CSMD1: variants seen among roughly 807,000 people sequenced by gnomAD.
CSMD1 encodes the protein CUB and Sushi multiple domains 1, also known as CUB and sushi domain-containing protein 1.
In CSMD1, 213 loss-of-function variants were observed where a neutral mutation model predicts 417.5. That is an observed-to-expected ratio of 0.51 (90% CI 0.46 to 0.57). The LOEUF (loss-of-function observed/expected upper bound fraction) is 0.57. Among genes scored for constraint, CSMD1 ranks in the 20% least tolerant of loss-of-function variants. The pLI, the probability that CSMD1 is intolerant of heterozygous loss-of-function variation, is 0.00. For missense variants in CSMD1, 6,923 were observed against 4,529.7 expected (o/e 1.53, Z -15.17); for synonymous variants, 2,862 against 1,736.8 (o/e 1.65, Z -16.11).
At chr8:3,491,067 G>A (rs1818345346) in intron 11 of CSMD1, among the ~76,000 whole-genome samples, 1 of 152,084 alleles carries the variant, frequency 6.6e-6, no homozygotes, top group Admixed American at 6.5e-5. Flanking sequence ...TGAAGGTATA[G>A]CAAAAAAGTA....
At position 4,393,599 on chromosome 8, in the gene CSMD1, A is replaced by C. The variant is rs1166245865; in HGVS notation, c.415+26354T>G. On this transcript the variant is annotated intron_variant, in intron 3 of 69. Transcript: ENST00000635120. ...TTCTGACTCTCGTTTCCAATTAATG[A>C]GTTTGGTAAAGTGTCATTGATTAAA... 2.6e-5 allele frequency among the ~76,000 whole-genome samples: 4 copies of C among 152,258 alleles called. No individual in the cohort carries two copies. In the East Asian group the frequency reaches 7.7e-4, roughly 29 times the overall value.
intron 3 of CSMD1, among the ~76,000 whole-genome samples, chr8:4,383,622 AC>A: frequency 6.6e-6 from 1 of 152,296 alleles, no homozygotes; most frequent in East Asian, 1.9e-4. Flanking sequence ...TGCTGATTAA[AC>A]TGAGAATCAA....
chr8:4,201,183 T>C (rs1438168509), intron 3 of CSMD1, among the ~76,000 whole-genome samples: 1 of 152,176 alleles, frequency 6.6e-6, no homozygotes, highest in Non-Finnish European at 1.5e-5. Context: ...TACTGTTGTG[T>C]ATGCAGAGGA....
intron 5 of CSMD1, among the ~76,000 whole-genome samples, chr8:3,874,092 G>C (rs1432410256): frequency 2.6e-5 from 4 of 152,160 alleles, no homozygotes; most frequent in African/African-American, 9.7e-5. Context: ...GCTATCCTCA[G>C]GCTGGGTTCT....
chr8:3,083,448 A>AT (rs920320121), intron 49 of CSMD1, among the ~76,000 whole-genome samples: 7 of 149,310 alleles, frequency 4.7e-5, no homozygotes, highest in Non-Finnish European at 8.9e-5. Context: ...CGAATCTATA[A>AT]TTTTTTTTAA....
rs1432778245 is a variant in CSMD1, at chr8:4,994,515, GGA to G, written c.-101_-100del. 5 of 1,118,298 alleles carry G rather than the reference GGA, an allele frequency of 4.5e-6. No homozygotes were observed. The highest frequency in any genetic ancestry group is 1.3e-6 in the Non-Finnish European group (1 of 769,770). 69.3% of individuals were successfully genotyped at this position (1,118,298 alleles called of 1,614,324 possible). ...TAATCACCCGAGGGCAAGGCGAGCC[GGA>G]GAGAGAGCCCGGTCCCAAGACCCGC... On this transcript the variant is annotated 5_prime_UTR_variant, in exon 1 of 70. An upstream open reading frame in the 5' UTR loses its in-frame stop. Coordinates refer to ENST00000635120, the MANE Select transcript of CSMD1 (RefSeq NM_033225.6).
At position 3,971,000 on chromosome 8, in the gene CSMD1, C is replaced by A. The variant is rs375635019; in HGVS notation, c.818+26903G>T. Among the ~76,000 whole-genome samples the A allele has an allele frequency of 2.0e-5, 3 of 152,164 alleles. No homozygotes were observed. In the South Asian group the frequency reaches 6.2e-4, roughly 32 times the overall value. On this transcript the variant is annotated intron_variant, in intron 5 of 69. Transcript: ENST00000635120. ...TCCTGACCTCAGGTGATCCCCCCGC[C>A]TCAGACTCCCAAAGTACTGGGATTT...
chr8:4,969,073 G>C (rs147181798), intron 1 of CSMD1, among the ~76,000 whole-genome samples: 518 of 152,290 alleles, frequency 3.4e-3, no homozygotes, highest in Non-Finnish European at 5.4e-3. Context: ...TGTAGGTAAA[G>C]TGTTGACAGC....
At chr8:3,252,342 C>T (rs1800335084) in intron 26 of CSMD1, among the ~76,000 whole-genome samples, 1 of 152,144 alleles carries the variant, frequency 6.6e-6, no homozygotes. Context: ...GTCTTTGGTT[C>T]TGTTTATATG....
At chr8:4,449,340 A>T (rs1798994938) in intron 2 of CSMD1, among the ~76,000 whole-genome samples, 1 of 152,208 alleles carries the variant, frequency 6.6e-6, no homozygotes, top group African/African-American at 2.4e-5. Flanking sequence ...CATTGGTTTT[A>T]AGCCTCCCCC....
intron 17 of CSMD1, among the ~76,000 whole-genome samples, chr8:3,395,872 C>T (rs1037960622): frequency 6.6e-6 from 1 of 152,096 alleles, no homozygotes; most frequent in Non-Finnish European, 1.5e-5. Flanking sequence ...AAGACTTTTG[C>T]TCAGAAAGTA....
intron 3 of CSMD1, among the ~76,000 whole-genome samples, chr8:4,091,211 G>T (rs1009829785): frequency 1.3e-5 from 2 of 151,838 alleles, no homozygotes; most frequent in African/African-American, 4.8e-5. Flanking sequence ...GAACCACCAC[G>T]CCCTGCCAAA....
intron 3 of CSMD1, among the ~76,000 whole-genome samples, chr8:4,229,282 A>C (rs1444693107): frequency 1.3e-5 from 2 of 152,134 alleles, no homozygotes; most frequent in Non-Finnish European, 2.9e-5. Flanking sequence ...TCCCCACCTC[A>C]TTCTTCAGTG....
chr8:4,236,507 A>C (rs1278521676), intron 3 of CSMD1, among the ~76,000 whole-genome samples: 2 of 152,170 alleles, frequency 1.3e-5, no homozygotes, highest in African/African-American at 4.8e-5. Context: ...ATCTGAGATG[A>C]TTTGCTCAAA....
intron 3 of CSMD1, among the ~76,000 whole-genome samples, chr8:4,071,987 C>G (rs968093390): frequency 2.0e-5 from 3 of 152,104 alleles, no homozygotes; most frequent in African/African-American, 7.2e-5. Context: ...TTCTGGGATT[C>G]CTCCCTCATT....
At chr8:4,683,382 C>T (rs1424243461) in intron 1 of CSMD1, among the ~76,000 whole-genome samples, 3 of 152,152 alleles carry the variant, frequency 2.0e-5, no homozygotes, top group Non-Finnish European at 4.4e-5. Flanking sequence ...CCCTCTTGCT[C>T]TCCTTTTCTG....
At position 3,782,697 on chromosome 8, in the gene CSMD1, T is replaced by C. The variant is rs976284583; in HGVS notation, c.819-28655A>G. On this transcript the variant is annotated intron_variant, in intron 5 of 69. Transcript: ENST00000635120. ...TCAACAATGTTTGAGAACAAGCTAA[T>C]AGTTTTTGGCTAGGTTCAAGGAGCT... Among the ~76,000 whole-genome samples the C allele has an allele frequency of 4.6e-5, 7 of 152,220 alleles. No homozygotes were observed. The South Asian group carries it at 6.2e-4, about 13-fold the overall frequency.
intron 62 of CSMD1, among the ~76,000 whole-genome samples, chr8:2,959,952 T>A (rs145637648): frequency 2.6e-5 from 4 of 152,292 alleles, no homozygotes; most frequent in African/African-American, 9.6e-5. Flanking sequence ...GTGTAACTAA[T>A]TTGTTATAAG....
At chr8:4,429,530 G>A (rs529438398) in intron 2 of CSMD1, among the ~76,000 whole-genome samples, 1 of 152,276 alleles carries the variant, frequency 6.6e-6, no homozygotes, top group East Asian at 1.9e-4. Context: ...AGTTGGATCA[G>A]AAAATTGCAA....
Sources: allele counts gnomAD v4.1 joint callset (sites outside exome capture counted in the v4.1 genomes callset), GRCh38; gene constraint gnomAD v4.1.1; transcripts MANE v1.5; gene names NCBI Gene and HGNC (gene_info 2026-07-23, HGNC 2026-07-21).